The following HSPA12A variants were observed in gnomAD, a reference collection of about 807,000 sequenced individuals.
HSPA12A encodes heat shock 70 kDa protein 12A.
Under a neutral mutation model 69.2 loss-of-function variants are expected in HSPA12A, and 28 were observed. The ratio of observed to expected loss-of-function variants is 0.40; its 90% confidence interval spans 0.30 to 0.55. HSPA12A has a LOEUF of 0.55. Ranked by LOEUF, HSPA12A falls within the 20% of genes least tolerant of loss-of-function variation. HSPA12A has a pLI of 0.38. For missense variants in HSPA12A, 686 were observed against 900.7 expected, an observed-to-expected ratio of 0.76 and a Z score of 3.05; for synonymous variants, 345 against 370.5, an observed-to-expected ratio of 0.93 and a Z score of 0.79.
chr10:116,784,900 GTC>G (rs1844544932), intron 2 of HSPA12A, among the ~76,000 whole-genome samples: 2 of 152,162 alleles, frequency 1.3e-5, no homozygotes, highest in South Asian at 4.1e-4. Context: ...GAGGGCACGT[GTC>G]TACAACAGCA....
At chr10:116,774,600 T>C (rs1163500602) in intron 2 of HSPA12A, among the ~76,000 whole-genome samples, 1 of 152,214 alleles carries the variant, frequency 6.6e-6, no homozygotes, top group Non-Finnish European at 1.5e-5. Context: ...GACGTGGCTC[T>C]GCTAGAGGAC....
chr10:116,845,268 C>T (rs933843426), intron 1 of HSPA12A, among the ~76,000 whole-genome samples: 3 of 152,128 alleles, frequency 2.0e-5, no homozygotes, highest in Non-Finnish European at 2.9e-5. Flanking sequence ...ACTACTATTA[C>T]ATTGAGGGAG....
At chr10:116,812,259 C>T (rs868722833) in intron 2 of HSPA12A, among the ~76,000 whole-genome samples, 4 of 151,944 alleles carry the variant, frequency 2.6e-5, no homozygotes, top group Admixed American at 6.6e-5. Context: ...TTGAGACCAG[C>T]CTGGCCAACA....
chr10:116,794,364 A>C (rs555809190), intron 2 of HSPA12A, among the ~76,000 whole-genome samples: 1 of 152,326 alleles, frequency 6.6e-6, no homozygotes, highest in African/African-American at 2.4e-5. Context: ...TGGAAGTAAG[A>C]GTGGGAAAAG....
At chr10:116,680,311 T>A (rs782152408) in intron 9 of HSPA12A, among the ~76,000 whole-genome samples, 1 of 152,104 alleles carries the variant, frequency 6.6e-6, no homozygotes, top group Non-Finnish European at 1.5e-5. Flanking sequence ...TTAAATCAAT[T>A]ACATTTTTTA....
chr10:116,688,954 A>C (rs564788277), intron 6 of HSPA12A, among the ~76,000 whole-genome samples: 7 of 152,310 alleles, frequency 4.6e-5, no homozygotes, highest in African/African-American at 1.7e-4. Context: ...TTTTCACTGA[A>C]TGCTCTTAAA....
intron 10 of HSPA12A, 141 bp from the exon 11 acceptor site, chr10:116,676,643 G>C: frequency 1.6e-6 from 1 of 641,606 alleles, no homozygotes. Context: ...AAGCACCTTT[G>C]GAAACCCTAA....
chr10:116,822,673 G>A (rs961357373), intron 2 of HSPA12A, among the ~76,000 whole-genome samples: 1 of 152,176 alleles, frequency 6.6e-6, no homozygotes, highest in African/African-American at 2.4e-5. Flanking sequence ...TCTGAATTCA[G>A]GACTTCAAGC....
At chr10:116,841,047 G>A (rs1312985590) in intron 1 of HSPA12A, among the ~76,000 whole-genome samples, 1 of 152,146 alleles carries the variant, frequency 6.6e-6, no homozygotes, top group Non-Finnish European at 1.5e-5. Context: ...CACACAAATG[G>A]TGATGAGGGC....
At chr10:116,720,912 C>T (rs1165189469) in intron 1 of HSPA12A, among the ~76,000 whole-genome samples, 4 of 152,180 alleles carry the variant, frequency 2.6e-5, no homozygotes, top group Non-Finnish European at 5.9e-5. Context: ...AGGGGAGGCA[C>T]GATGGGAACT....
intron 2 of HSPA12A, among the ~76,000 whole-genome samples, chr10:116,807,773 G>C (rs760668853): frequency 1.2e-4 from 18 of 152,212 alleles, no homozygotes; most frequent in Admixed American, 2.0e-4. Flanking sequence ...ATTCTGGGCT[G>C]TTTCCTAGAC....
At chr10:116,814,844 G>A (rs1013656899) in intron 2 of HSPA12A, among the ~76,000 whole-genome samples, 3 of 152,162 alleles carry the variant, frequency 2.0e-5, no homozygotes, top group South Asian at 4.1e-4. Flanking sequence ...GAGGGTGATT[G>A]GGTTGCAAAT....
In HSPA12A at chr10:116,675,024, C is replaced by T; in HGVS notation, c.1785G>A (p.Gln595=). 1.2e-6 allele frequency: 2 copies of T among 1,614,192 alleles called. No homozygotes were observed. Among genetic ancestry groups the T allele is most frequent in the Non-Finnish European group, 1.7e-6 (2 of 1,180,040 alleles). ...TGTAGATGTTGATGACAATGACCAGCTGGGAGGGCTTGGCCGGGGTGTAGC... is the reference window on the plus strand; with the variant it reads ...TGTAGATGTTGATGACAATGACCAGTTGGGAGGGCTTGGCCGGGGTGTAGC... ...KRSYTPAKPS[Q]LVIVINIYSS... The change falls in exon 12 of 12, where the codon CAG becomes CAA. Residue 595 remains glutamine (Q), a synonymous_variant. Transcript: ENST00000369209. The surrounding 1 kb of genome is among the most constrained non-coding windows in gnomAD (Gnocchi z 5.2).
At chr10:116,777,116 G>A (rs557780477) in intron 2 of HSPA12A, among the ~76,000 whole-genome samples, 1 of 152,288 alleles carries the variant, frequency 6.6e-6, no homozygotes, top group Admixed American at 6.5e-5. Flanking sequence ...GGCTGGAGGG[G>A]CGCTGAGCTG....
intron 2 of HSPA12A, among the ~76,000 whole-genome samples, chr10:116,762,763 T>C (rs1843998917): frequency 6.6e-6 from 1 of 152,164 alleles, no homozygotes; most frequent in Non-Finnish European, 1.5e-5. Context: ...TTTGTATTTT[T>C]AGTAGAGATG....
In HSPA12A at chr10:116,815,220, G is replaced by A. The variant is rs150374083; in HGVS notation, c.91+19715C>T. Among the ~76,000 whole-genome samples, 313 of 138,852 alleles carry A rather than the reference G, an allele frequency of 2.3e-3. 2 individuals carry two copies. The highest frequency in any genetic ancestry group is 7.8e-3 in the African/African-American group (284 of 36,224). 91.1% of individuals were successfully genotyped at this position (138,852 alleles called of 152,430 possible). On this transcript the variant is annotated intron_variant, in intron 2 of 12. Transcript: ENST00000635765. ...CACCTATAAATCTGCCCAGAGTGGT[G>A]GATATCCTCTGCCTCAGATCCAAAA...
intron 2 of HSPA12A, among the ~76,000 whole-genome samples, chr10:116,749,608 C>T (rs782604397): frequency 1.3e-5 from 2 of 152,182 alleles, no homozygotes; most frequent in Non-Finnish European, 2.9e-5. Flanking sequence ...CCTCAAGAAA[C>T]GTGTTGAATG....
At chr10:116,754,712 T>C (rs935067438) in intron 2 of HSPA12A, among the ~76,000 whole-genome samples, 1 of 152,200 alleles carries the variant, frequency 6.6e-6, no homozygotes, top group African/African-American at 2.4e-5. Flanking sequence ...ATCTTGTCAG[T>C]AATTTATTTC....
intron 1 of HSPA12A, among the ~76,000 whole-genome samples, chr10:116,737,732 G>C (rs1038246623): frequency 3.3e-5 from 5 of 152,212 alleles, no homozygotes; most frequent in Non-Finnish European, 7.3e-5. Context: ...TGCCAGCCCC[G>C]CAGGACATCT....
Sources: allele counts gnomAD v4.1 joint callset (sites outside exome capture counted in the v4.1 genomes callset), GRCh38; gene constraint gnomAD v4.1.1; non-coding constraint Gnocchi (gnomAD v3.1); transcripts MANE v1.5; gene names NCBI Gene and HGNC (gene_info 2026-07-23, HGNC 2026-07-21).